The following KIAA1217 variants were observed in gnomAD, a reference collection of about 807,000 sequenced individuals.
KIAA1217 encodes the protein KIAA1217.
Under a neutral mutation model 163.9 loss-of-function variants are expected in KIAA1217, and 88 were observed. The observed-to-expected ratio is 0.54, with a 90% CI of 0.45 to 0.64. The LOEUF (loss-of-function observed/expected upper bound fraction) is 0.64, where lower values mean the gene tolerates loss of function less well. Among genes scored for constraint, KIAA1217 ranks in the 30% least tolerant of loss-of-function variants. KIAA1217 has a pLI of 0.00. For synonymous variants in KIAA1217, 903 were observed against 923.1 expected (o/e 0.98, Z 0.39); for missense variants, 2,372 against 2,475.0 (o/e 0.96, Z 0.88).
chr10:24,049,933 A>G (rs1849372091), intron 2 of KIAA1217, among the ~76,000 whole-genome samples: 1 of 152,184 alleles, frequency 6.6e-6, no homozygotes, highest in Non-Finnish European at 1.5e-5. Context: ...AACAGTATAA[A>G]AGCATTCCTA....
At chr10:24,103,475 G>A (rs935733013) in intron 2 of KIAA1217, among the ~76,000 whole-genome samples, 15 of 152,060 alleles carry the variant, frequency 9.9e-5, no homozygotes, top group African/African-American at 3.6e-4. Context: ...CCAATAACTG[G>A]GAGAATATAT....
chr10:24,336,656 A>T (rs1186664492), intron 2 of KIAA1217, among the ~76,000 whole-genome samples: 1 of 152,202 alleles, frequency 6.6e-6, no homozygotes. Flanking sequence ...CTATACTTTG[A>T]TATAAAGGAT....
At position 24,004,079 on chromosome 10, in the gene KIAA1217, A is replaced by C. The variant is rs569251990; in HGVS notation, c.-320-3146A>C. ...ACTGCAAACTCGGCTTCCCGGTTCC[A>C]AGCGATTCTCCTGCCTCAGCCTCCT... is the stretch of plus-strand genomic sequence containing the variant. On this transcript the variant is annotated intron_variant, in intron 1 of 18. Transcript: ENST00000376462. 5.3e-5 allele frequency among the ~76,000 whole-genome samples: 8 copies of C among 152,254 alleles called. No individual in the cohort carries two copies. In the East Asian group the frequency reaches 1.5e-3, roughly 29 times the overall value.
intron 1 of KIAA1217, among the ~76,000 whole-genome samples, chr10:23,796,278 C>A (rs1191723361): frequency 1.3e-5 from 2 of 152,144 alleles, no homozygotes; most frequent in Non-Finnish European, 2.9e-5. Flanking sequence ...CCTCTGTAAA[C>A]GTCAGTTTCC....
chr10:23,961,375 C>T (rs1402659741), intron 1 of KIAA1217, among the ~76,000 whole-genome samples: 1 of 152,094 alleles, frequency 6.6e-6, no homozygotes, highest in Non-Finnish European at 1.5e-5. Flanking sequence ...GCCAACAGTG[C>T]CATGCGTGGG....
At chr10:23,735,609 G>A (rs1368971027) in intron 1 of KIAA1217, among the ~76,000 whole-genome samples, 2 of 151,670 alleles carry the variant, frequency 1.3e-5, no homozygotes, top group African/African-American at 2.4e-5. Flanking sequence ...GCCTTTTTGT[G>A]TCTTTTGCTC....
chr10:24,473,381 G>T lies in KIAA1217; in HGVS notation c.1000G>T (p.Gly334Cys). 6.2e-7 allele frequency: 1 copy of T among 1,612,330 alleles called. No homozygotes were observed. Among genetic ancestry groups the T allele is most frequent in the Non-Finnish European group, 8.5e-7 (1 of 1,178,976 alleles). ...CTCCCCGTCCAGAATTCCTTATGGG[G>T]GCACCCGCTCCATGGTTGTTCCTGG... Reference protein sequence around the residue: ...PPSPSRIPYGGTRSMVVPGNA... With the variant: ...PPSPSRIPYGCTRSMVVPGNA... Residue 334 changes from glycine to cysteine, a missense_variant, in exon 6 of 21, where the codon GGC becomes TGC. This residue lies in a region of KIAA1217 where 1,431 missense variants were observed against 1,470.3 expected (regional missense o/e 0.97). Transcript: ENST00000376454.
intron 1 of KIAA1217, among the ~76,000 whole-genome samples, chr10:23,910,649 T>C (rs1842394735): frequency 6.6e-6 from 1 of 152,178 alleles, no homozygotes; most frequent in South Asian, 2.1e-4. Flanking sequence ...GTGATGAATG[T>C]CAAGGAAGAT....
intron 17 of KIAA1217, among the ~76,000 whole-genome samples, chr10:24,539,020 C>T (rs1002664762): frequency 3.3e-5 from 5 of 151,994 alleles, no homozygotes; most frequent in Non-Finnish European, 4.4e-5. Context: ...GCGTGAGCCA[C>T]CGCACCCAGC....
intron 3 of KIAA1217, among the ~76,000 whole-genome samples, chr10:24,406,036 G>A (rs2057172658): frequency 6.6e-6 from 1 of 152,174 alleles, no homozygotes; most frequent in Non-Finnish European, 1.5e-5. Context: ...TGACCAAAGT[G>A]TGGACAAAAC....
intron 1 of KIAA1217, among the ~76,000 whole-genome samples, chr10:23,883,753 A>G (rs1051127294): frequency 2.4e-4 from 36 of 151,886 alleles, no homozygotes. Flanking sequence ...TCGCTACCCT[A>G]AAAATCCTTT....
At chr10:24,430,258 G>C (rs938824095) in intron 3 of KIAA1217, among the ~76,000 whole-genome samples, 2 of 149,246 alleles carry the variant, frequency 1.3e-5, no homozygotes, top group South Asian at 4.3e-4. Flanking sequence ...GCATTCGGTC[G>C]AGGGCATATC....
At chr10:24,309,551 C>T (rs1347181219) in intron 2 of KIAA1217, among the ~76,000 whole-genome samples, 3 of 152,184 alleles carry the variant, frequency 2.0e-5, no homozygotes, top group Non-Finnish European at 2.9e-5. Context: ...GCGTCATACC[C>T]TTTTACATCC....
In KIAA1217 at chr10:24,010,135, C is replaced by T. The variant is rs1847175655; in HGVS notation, c.-171+2761C>T. 3.3e-5 allele frequency among the ~76,000 whole-genome samples: 5 copies of T among 151,910 alleles called. No homozygotes were observed. The South Asian group carries it at 1.0e-3, about 32-fold the overall frequency. On this transcript the variant is annotated intron_variant, in intron 2 of 18. Coordinates refer to the KIAA1217 transcript ENST00000376462. ...AGGAATCATGTTCTAGCTTCCCATC[C>T]TTTAGCTTACTTTAAGTTTCAGAAA...
rs1485318455 is a variant in KIAA1217 at position 23,747,853 on chromosome 10, A to C, written c.-321+52619A>C. ...TCCATGTTTCCTGCTGCTGCCCTACACTTAGATTTCCCCAAGAATACAAGC... is the reference window on the plus strand; with the variant it reads ...TCCATGTTTCCTGCTGCTGCCCTACCCTTAGATTTCCCCAAGAATACAAGC... On this transcript the variant is annotated intron_variant, in intron 1 of 18. Transcript: ENST00000376462. Among the ~76,000 whole-genome samples the C allele has an allele frequency of 2.0e-5, 3 of 152,160 alleles. No homozygotes were observed. In the East Asian group the frequency reaches 5.8e-4, roughly 29 times the overall value.
intron 3 of KIAA1217, among the ~76,000 whole-genome samples, chr10:24,407,740 G>A (rs772218697): frequency 6.6e-6 from 1 of 152,184 alleles, no homozygotes; most frequent in South Asian, 2.1e-4. Flanking sequence ...TAGTGTTTTC[G>A]AAAGCGTGAC....
At chr10:23,897,992 T>G (rs1307804982) in intron 1 of KIAA1217, among the ~76,000 whole-genome samples, 1 of 152,008 alleles carries the variant, frequency 6.6e-6, no homozygotes, top group East Asian at 1.9e-4. Flanking sequence ...TAGACTTCTA[T>G]TTTGGTTGAG....
chr10:24,380,830 T>A (rs1369280541), intron 2 of KIAA1217, 39 bp from the exon 3 acceptor site: 1 of 1,396,858 alleles, frequency 7.2e-7, no homozygotes, highest in Non-Finnish European at 9.6e-7. Context: ...CGATTAATAA[T>A]AGTCTATTTT....
At chr10:24,063,803 C>T (rs1331644173) in intron 2 of KIAA1217, among the ~76,000 whole-genome samples, 1 of 152,074 alleles carries the variant, frequency 6.6e-6, no homozygotes, top group Non-Finnish European at 1.5e-5. Flanking sequence ...GGTTTGTATC[C>T]TCTTTTATTT....
Sources: gnomAD v4.1 joint callset for allele counts (sites outside exome capture counted in the v4.1 genomes callset) on GRCh38, gnomAD v4.1.1 for gene constraint, gnomAD v4.1.1 regional missense constraint, MANE v1.5 for transcripts, NCBI Gene and HGNC (gene_info 2026-07-23, HGNC 2026-07-21) for gene names.